Variants in MAPK10 observed in about 807,000 individuals in gnomAD.
MAPK10 encodes mitogen-activated protein kinase 10.
Under a neutral mutation model 59.3 loss-of-function variants are expected in MAPK10, and 25 were observed. That is an observed-to-expected ratio of 0.42 (90% CI 0.31 to 0.59). MAPK10 has a LOEUF of 0.59. Among genes scored for constraint, MAPK10 ranks in the 20% least tolerant of loss-of-function variants. The pLI is 0.15. For synonymous variants in MAPK10, 190 were observed against 200.5 expected (o/e 0.95, Z 0.44); for missense variants, 351 against 568.9 (o/e 0.62, Z 3.90).
intron 1 of MAPK10, among the ~76,000 whole-genome samples, chr4:86,477,620 C>G (rs1228636541): frequency 6.6e-6 from 1 of 152,200 alleles, no homozygotes; most frequent in South Asian, 2.1e-4. Context: ...CCTGTTATCA[C>G]TTGCCTGTTA....
intron 2 of MAPK10, among the ~76,000 whole-genome samples, chr4:86,217,088 TAAG>T (rs2087889618): frequency 6.6e-6 from 1 of 152,122 alleles, no homozygotes; most frequent in African/African-American, 2.4e-5. Context: ...CATGAGGCAA[TAAG>T]GAGTCAGATC....
chr4:86,272,213 C>T (rs893363130), intron 2 of MAPK10, among the ~76,000 whole-genome samples: 4 of 151,940 alleles, frequency 2.6e-5, no homozygotes, highest in South Asian at 2.1e-4. Flanking sequence ...ATATTTTTAA[C>T]GTATTCTGAA....
At chr4:86,113,949 T>C (rs1354493515) in intron 4 of MAPK10, among the ~76,000 whole-genome samples, 1 of 152,226 alleles carries the variant, frequency 6.6e-6, no homozygotes, top group Non-Finnish European at 1.5e-5. Context: ...CTGCCTGTCT[T>C]ATTTCAGCAA....
At chr4:86,195,894 T>G (rs991598261) in intron 2 of MAPK10, among the ~76,000 whole-genome samples, 1 of 152,242 alleles carries the variant, frequency 6.6e-6, no homozygotes. Context: ...GCAAAGGACA[T>G]GAACTCATCC....
chr4:86,135,892 A>G (rs2149158714), intron 4 of MAPK10, among the ~76,000 whole-genome samples: 1 of 152,354 alleles, frequency 6.6e-6, no homozygotes. Context: ...AAGAATGCAG[A>G]AGCCTCAGGA....
intron 1 of MAPK10, among the ~76,000 whole-genome samples, chr4:86,451,730 G>A (rs192317353): frequency 3.3e-5 from 5 of 152,304 alleles, no homozygotes; most frequent in African/African-American, 1.2e-4. Context: ...TATGGAGCAA[G>A]GGAGGTGGAG....
intron 1 of MAPK10, among the ~76,000 whole-genome samples, chr4:86,381,446 T>A (rs182580193): frequency 3.9e-5 from 6 of 152,256 alleles, no homozygotes; most frequent in African/African-American, 1.2e-4. Flanking sequence ...CCGGGCCTAT[T>A]TACCCTCAGA....
At chr4:86,497,104 C>T (rs1407916565) in intron 1 of MAPK10, among the ~76,000 whole-genome samples, 1 of 152,148 alleles carries the variant, frequency 6.6e-6, no homozygotes, top group African/African-American at 2.4e-5. Flanking sequence ...AACCAACACT[C>T]CAAACAATAA....
chr4:86,264,129 A>G (rs1424356078), intron 2 of MAPK10, among the ~76,000 whole-genome samples: 1 of 152,218 alleles, frequency 6.6e-6, no homozygotes, highest in Non-Finnish European at 1.5e-5. Flanking sequence ...TCTTGCTTGT[A>G]TTAAAATGTG....
At chr4:86,421,629 G>C (rs1454794505) in intron 1 of MAPK10, among the ~76,000 whole-genome samples, 1 of 152,110 alleles carries the variant, frequency 6.6e-6, no homozygotes, top group Non-Finnish European at 1.5e-5. Context: ...CAGGCACAGG[G>C]AATACAAAGC....
At chr4:86,565,146 C>T (rs1175363075) in intron 1 of MAPK10, among the ~76,000 whole-genome samples, 1 of 152,140 alleles carries the variant, frequency 6.6e-6, no homozygotes, top group Non-Finnish European at 1.5e-5. Context: ...CTACTGTACA[C>T]TAACAACACA....
At chr4:86,472,131 TAA>T (rs1009422034) in intron 1 of MAPK10, among the ~76,000 whole-genome samples, 4 of 152,214 alleles carry the variant, frequency 2.6e-5, no homozygotes, top group African/African-American at 7.2e-5. Context: ...CATTTCAAGT[TAA>T]AGAGTTTTCT....
At chr4:86,172,506 T>C (rs2074501780) in intron 3 of MAPK10, among the ~76,000 whole-genome samples, 1 of 147,640 alleles carries the variant, frequency 6.8e-6, no homozygotes, top group Non-Finnish European at 1.5e-5. Context: ...TTCTCACTCA[T>C]GGGTGGGAAT....
intron 1 of MAPK10, among the ~76,000 whole-genome samples, chr4:86,533,519 C>G (rs1027966497): frequency 1.3e-4 from 20 of 152,312 alleles, no homozygotes; most frequent in African/African-American, 4.3e-4. Flanking sequence ...TCCACCAGTA[C>G]CCATCCTTTT....
At chr4:86,507,356 G>A (rs1282601458) in intron 1 of MAPK10, among the ~76,000 whole-genome samples, 1 of 151,684 alleles carries the variant, frequency 6.6e-6, no homozygotes, top group Non-Finnish European at 1.5e-5. Flanking sequence ...CAGCAGATGT[G>A]TAGACAGAGT....
chr4:86,428,864 C>G (rs978590002), intron 1 of MAPK10, among the ~76,000 whole-genome samples: 1 of 152,156 alleles, frequency 6.6e-6, no homozygotes, highest in Non-Finnish European at 1.5e-5. Context: ...TGTACATCAT[C>G]ATTATCTCCA....
chr4:86,285,519 A>G (rs2094970912), intron 2 of MAPK10, among the ~76,000 whole-genome samples: 1 of 151,982 alleles, frequency 6.6e-6, no homozygotes, highest in Admixed American at 6.6e-5. Context: ...CTGGCCTCTA[A>G]AAACACTTCT....
chr4:86,226,331 G>C (rs1193132237), intron 2 of MAPK10, among the ~76,000 whole-genome samples: 2 of 152,176 alleles, frequency 1.3e-5, no homozygotes, highest in Admixed American at 1.3e-4. Flanking sequence ...CCGGTTTCAA[G>C]TGGAAAGTTG....
rs982671841 is a variant in MAPK10 at position 86,016,032 on chromosome 4, A to C, written c.*1196T>G. The C allele has an allele frequency of 3.9e-5, 6 of 152,216 alleles. No homozygotes were observed. Among genetic ancestry groups the C allele is most frequent in the African/African-American group, 9.6e-5 (4 of 41,462 alleles). 9.4% of individuals were successfully genotyped at this position (152,216 alleles called of 1,614,324 possible). The stretch of plus-strand genomic sequence containing the variant: ...AGAGTATGAATCAGGGAAGCAGCCC[A>C]CACATGGAAAACACAATCCACAATC... On this transcript the variant is annotated 3_prime_UTR_variant, in exon 14 of 14. Transcript: ENST00000641462.
Sources: allele counts gnomAD v4.1 joint callset (sites outside exome capture counted in the v4.1 genomes callset), GRCh38; gene constraint gnomAD v4.1.1; transcripts MANE v1.5; gene names NCBI Gene and HGNC (gene_info 2026-07-23, HGNC 2026-07-21).